Variants in FASN observed in about 807,000 individuals in gnomAD.
The protein encoded by FASN is fatty acid synthase.
In FASN, 50 loss-of-function variants were observed where a neutral mutation model predicts 250.0. The ratio of observed to expected loss-of-function variants is 0.20; its 90% CI spans 0.16 to 0.25. The LOEUF is 0.25. Among genes scored for constraint, FASN ranks in the 10% least tolerant of loss-of-function variants. The pLI, the probability that FASN is intolerant of heterozygous loss-of-function variation, is 1.00. For synonymous variants in FASN, 1,909 were observed against 1,584.0 expected (o/e 1.21, Z -4.87); for missense variants, 3,031 against 3,498.5 (o/e 0.87, Z 3.37).
Position 82,082,586 on chromosome 17 carries a change from C to T in FASN, c.5860G>A (p.Gly1954Ser), listed in dbSNP as rs1040086562. The T allele has an allele frequency of 1.2e-6, 2 of 1,609,994 alleles. No individual in the cohort carries two copies. The highest frequency in any genetic ancestry group is 1.1e-5 in the South Asian group (1 of 91,076). ...AGCTGCGCCGCCTCGGCAATGAGGCCCCGGGCCCCCTCCAGTGAGCTGATG... is the reference window on the plus strand; with the variant it reads ...AGCTGCGCCGCCTCGGCAATGAGGCTCCGGGCCCCCTCCAGTGAGCTGATG... ...SNISSLEGAR[G>S]LIAEAAQLGP... The change falls in exon 34 of 43, where the codon GGC becomes AGC. Residue 1954 changes from glycine (G) to serine (S), a missense_variant. By Grantham distance (56) the Gly-to-Ser change is moderately conservative (BLOSUM62 0). Transcript: ENST00000306749.
Position 82,091,210 on chromosome 17 carries a change from G to C in FASN, c.1492+12C>G. On this transcript the variant is annotated intron_variant, in intron 9 of 42. Coordinates refer to ENST00000306749, the MANE Select transcript of FASN (RefSeq NM_004104.5). Reference sequence around the variant, plus strand: ...GGGAAGGGACCACCTTGGGGGCAGAGTGTGGGCTCACCAGAGCAGATGAAC... The same window carrying C: ...GGGAAGGGACCACCTTGGGGGCAGACTGTGGGCTCACCAGAGCAGATGAAC... The C allele has an allele frequency of 2.5e-6, 4 of 1,601,678 alleles. No individual in the cohort carries two copies. Among genetic ancestry groups the C allele is most frequent in the Non-Finnish European group, 3.4e-6 (4 of 1,177,108 alleles).
chr17:82,080,141 C>G lies in FASN; in HGVS notation c.7145G>C (p.Arg2382Thr), dbSNP rs925836770. The change falls in exon 41 of 43, where the codon AGG becomes ACG. Residue 2382 changes from arginine to threonine, a missense_variant and splice_region_variant. By Grantham distance (71) the Arg-to-Thr change is moderately conservative (BLOSUM62 -1). Transcript: ENST00000306749. ...GCCTCAGGGGTGTCCAGGACCCACCCTGTTGTGCTCCATGTCCGTGAACTG... is the reference window on the plus strand; with the variant it reads ...GCCTCAGGGGTGTCCAGGACCCACCGTGTTGTGCTCCATGTCCGTGAACTG... The part of the protein sequence containing the change: ...VQQFTDMEHN[R>T]VLEALLPLKG... The G allele has an allele frequency of 1.1e-5, 18 of 1,613,010 alleles. No homozygotes were observed. In the African/African-American group the frequency reaches 1.2e-4, roughly 11 times the overall value.
chr17:82,079,861 C>T (rs911133355), intron 41 of FASN: 2 of 632,666 alleles, frequency 3.2e-6, no homozygotes, highest in Non-Finnish European at 5.4e-6. Flanking sequence ...GTGAGTGCCA[C>T]CATGCCTGGC....
In FASN at chr17:82,082,901, CCT is replaced by C; in HGVS notation, c.5767+11_5767+12del. 1 of 1,612,418 alleles carries C rather than the reference CCT, an allele frequency of 6.2e-7. No homozygotes were observed. Among genetic ancestry groups the C allele is most frequent in the Non-Finnish European group, 8.5e-7 (1 of 1,179,840 alleles). On this transcript the variant is annotated intron_variant, in intron 33 of 42. Transcript: ENST00000306749. ...TGGCCCAGGCTGGTCCACAAGCACC[CCT>C]GCCGACTCACCTGTCCGGATCCCGG...
At chr17:82,090,325 A>G in intron 11 of FASN, 50 bp downstream of exon 11, 1 of 1,532,104 alleles carries the variant, frequency 6.5e-7, no homozygotes, top group Non-Finnish European at 8.8e-7. Context: ...CCACAGCGAG[A>G]AGGCAGCCTC....
rs1342609757 is a variant in FASN at position 82,083,298 on chromosome 17, T to C, written c.5469A>G (p.Val1823=). 6.2e-7 allele frequency: 1 copy of C among 1,612,702 alleles called. No homozygotes were observed. The highest frequency in any genetic ancestry group is 8.5e-7 in the Non-Finnish European group (1 of 1,179,996). ...LVQAGIRDGV[V]RPLKCTVFHG... is the part of the protein sequence containing the mutation. The stretch of plus-strand genomic sequence containing the variant: ...GGAACACCGTGCACTTGAGGGGCCG[T>C]ACCACCCCATCCCGGATGCCGGCCT... The change falls in exon 32 of 43, where the codon GTA becomes GTG. Residue 1823 remains valine (V), a synonymous_variant. Coordinates refer to ENST00000306749, the MANE Select transcript of FASN (RefSeq NM_004104.5).
At chr17:82,088,663 C>A (rs1440422017) in intron 15 of FASN, 98 bp downstream of exon 15, 46 of 1,516,764 alleles carry the variant, frequency 3.0e-5, no homozygotes, top group Non-Finnish European at 8.2e-6. Context: ...AGGGCTGCTG[C>A]CACCGGCCTG....
At position 82,088,825 on chromosome 17, in the gene FASN, T is replaced by C; in HGVS notation, c.2356A>G (p.Lys786Glu). 4 of 1,612,546 alleles carry C rather than the reference T, an allele frequency of 2.5e-6. No homozygotes were observed. Among genetic ancestry groups the C allele is most frequent in the Non-Finnish European group, 3.4e-6 (4 of 1,179,818 alleles). Reference sequence around the variant, plus strand: ...TCCAGGTTGTCCCTGTGATCCTTCTTCATCAGGGGGATGATGGTGCAGCTC... The same window carrying C: ...TCCAGGTTGTCCCTGTGATCCTTCTCCATCAGGGGGATGATGGTGCAGCTC... ...KPSCTIIPLMKKDHRDNLEFF... is the reference protein window; with the variant it reads ...KPSCTIIPLMEKDHRDNLEFF... Residue 786 changes from lysine (K) to glutamate (E), a missense_variant, in exon 15 of 43, where the codon AAG (lysine) becomes GAG (glutamate). By Grantham distance (56) the Lys-to-Glu change is moderately conservative. Coordinates refer to ENST00000306749, the MANE Select transcript of FASN (RefSeq NM_004104.5).
At chr17:82,095,911 G>A (rs1311075649) in intron 2 of FASN, among the ~76,000 whole-genome samples, 1 of 152,242 alleles carries the variant, frequency 6.6e-6, no homozygotes, top group African/African-American at 2.4e-5. Context: ...GACACAGGCA[G>A]GGGCAGCCTG....
intron 12 of FASN, 31 bp downstream of exon 12, chr17:82,089,601 C>T: frequency 2.5e-6 from 4 of 1,570,146 alleles, no homozygotes; most frequent in African/African-American, 1.4e-5. Flanking sequence ...GCGCAGGGGA[C>T]AGAGGAGCCC....
chr17:82,092,093 A>C (rs1387823898), intron 8 of FASN, among the ~76,000 whole-genome samples: 1 of 152,158 alleles, frequency 6.6e-6, no homozygotes, highest in African/African-American at 2.4e-5. Context: ...CTAGTGGGTC[A>C]GGAAGCTGTA....
intron 8 of FASN, 64 bp downstream of exon 8, chr17:82,092,391 C>G: frequency 6.6e-7 from 1 of 1,517,402 alleles, no homozygotes; most frequent in Non-Finnish European, 8.9e-7. Flanking sequence ...CAGTGCCCAG[C>G]CATGGCGCAA....
intron 33 of FASN, 105 bp from the exon 34 acceptor site, chr17:82,082,783 C>G: frequency 6.5e-7 from 1 of 1,544,388 alleles, no homozygotes; most frequent in South Asian, 1.1e-5. Context: ...ATCCAGCAAG[C>G]CCCCCACAAG....
rs771224276 is a variant in FASN, at chr17:82,091,348, C to A, written c.1366G>T (p.Asp456Tyr). 3 of 1,610,812 alleles carry A rather than the reference C, an allele frequency of 1.9e-6. No individual in the cohort carries two copies. Among genetic ancestry groups the A allele is most frequent in the South Asian group, 2.2e-5 (2 of 90,832 alleles). Residue 456 changes from aspartate to tyrosine, a missense_variant, in exon 9 of 43, where the codon GAC (aspartate) becomes TAC (tyrosine). Coordinates refer to ENST00000306749, the MANE Select transcript of FASN (RefSeq NM_004104.5). ...GCGGTGGCGGGGACAGCCGCGATGT[C>A]GTTCAGCATGCTCAGGAAAGCCAGG... is the stretch of plus-strand genomic sequence containing the variant. ...QDLAFLSMLN[D>Y]IAAVPATAMP...
chr17:82,089,475 A>G, intron 12 of FASN, 91 bp from the exon 13 acceptor site: 2 of 1,604,946 alleles, frequency 1.2e-6, no homozygotes, highest in Admixed American at 1.7e-5. Context: ...CCCCAAGGGA[A>G]CCGAGAGGGA....
Position 82,089,091 on chromosome 17 carries a change from G to T in FASN, c.2182C>A (p.Arg728Ser). ...PEAQWHSSLA[R>S]TSSAEYNVNN... The stretch of plus-strand genomic sequence containing the variant: ...ACATTGTACTCGGCGGAGGACGTGC[G>T]TGCCAGGCTGCTGTGCCACTGGGCC... The change falls in exon 14 of 43, where the codon CGC becomes AGC. Residue 728 changes from arginine to serine, a missense_variant. Arg to Ser is a moderately radical substitution (Grantham distance 110). Coordinates refer to ENST00000306749, the MANE Select transcript of FASN (RefSeq NM_004104.5). 1.3e-6 allele frequency: 2 copies of T among 1,574,250 alleles called. No individual in the cohort carries two copies. The highest frequency in any genetic ancestry group is 8.6e-7 in the Non-Finnish European group (1 of 1,160,674).
chr17:82,086,207 T>A, intron 22 of FASN, 47 bp downstream of exon 22: 1 of 1,535,710 alleles, frequency 6.5e-7, no homozygotes, highest in Non-Finnish European at 8.7e-7. Context: ...TCAGGGTGGG[T>A]CCTACCATGT....
chr17:82,080,936 G>A lies in FASN; in HGVS notation c.6596-14C>T, dbSNP rs749070232. The A allele has an allele frequency of 1.8e-5, 29 of 1,593,490 alleles. No individual in the cohort carries two copies. The highest frequency in any genetic ancestry group is 5.2e-5 in the Admixed American group (3 of 57,294). The stretch of plus-strand genomic sequence containing the variant: ...GGCATGCCAGCTCTGTGAAGACAGG[G>A]GCAGATGCCAGGCTGGTCTGGGTGC... On this transcript the variant is annotated splice_polypyrimidine_tract_variant and intron_variant, in intron 38 of 42. Coordinates refer to ENST00000306749, the MANE Select transcript of FASN (RefSeq NM_004104.5).
chr17:82,081,025 G>C, intron 38 of FASN, 103 bp from the exon 39 acceptor site: 2 of 1,382,312 alleles, frequency 1.4e-6, no homozygotes, highest in Non-Finnish European at 2.0e-6. Flanking sequence ...TGCTACGTCA[G>C]GTGGGAGTCG....
Sources: allele counts gnomAD v4.1 joint callset (sites outside exome capture counted in the v4.1 genomes callset), GRCh38; gene constraint gnomAD v4.1.1; transcripts MANE v1.5; gene names NCBI Gene and HGNC (gene_info 2026-07-23, HGNC 2026-07-21).